TTC6: variants seen among roughly 807,000 people sequenced by gnomAD.
TTC6 encodes tetratricopeptide repeat protein 6.
A neutral mutation model predicts 210.4 loss-of-function variants in TTC6; 172 were observed. The ratio of observed to expected loss-of-function variants is 0.82; its 90% CI spans 0.72 to 0.93. TTC6 has a LOEUF of 0.93. TTC6 is among the 40% of genes least tolerant of loss of function. The pLI is 0.00. For synonymous variants in TTC6, 804 were observed against 819.6 expected, an observed-to-expected ratio of 0.98 and a Z score of 0.32; for missense variants, 2,414 against 2,318.1, an observed-to-expected ratio of 1.04 and a Z score of -0.85.
intron 14 of TTC6, among the ~76,000 whole-genome samples, chr14:37,772,116 G>T (rs536920033): frequency 5.9e-5 from 9 of 152,298 alleles, no homozygotes; most frequent in Admixed American, 5.2e-4. Context: ...TAGGCTGCTC[G>T]GGGATCAGGG....
chr14:37,671,142 G>T (rs1281707797), intron 1 of TTC6, among the ~76,000 whole-genome samples: 2 of 152,084 alleles, frequency 1.3e-5, no homozygotes, highest in African/African-American at 4.8e-5. Flanking sequence ...ACTTGATTGA[G>T]ACTGAGGGAT....
intron 29 of TTC6, among the ~76,000 whole-genome samples, chr14:37,829,510 C>G (rs973449039): frequency 1.3e-5 from 2 of 151,936 alleles, no homozygotes; most frequent in Non-Finnish European, 2.9e-5. Flanking sequence ...TAAACTCCTC[C>G]TCTCTCTCAT....
At chr14:37,605,469 GTGAGT>G (rs890156675) in intron 1 of TTC6, among the ~76,000 whole-genome samples, 24 of 31,118 alleles carry the variant, frequency 7.7e-4, no homozygotes, top group African/African-American at 1.7e-3. Flanking sequence ...TGGTATGTGG[GTGAGT>G]GAGTATGGGG....
At chr14:37,776,354 T>C (rs8012810) in intron 14 of TTC6, among the ~76,000 whole-genome samples, 24,909 of 152,134 alleles carry the variant, frequency 0.16, 2,201 homozygotes, top group East Asian at 0.34. Flanking sequence ...GATCCTGTTA[T>C]AATGTTGCCA....
intron 14 of TTC6, among the ~76,000 whole-genome samples, chr14:37,759,600 A>G (rs1292836918): frequency 2.0e-5 from 3 of 152,174 alleles, no homozygotes; most frequent in Admixed American, 6.5e-5. Context: ...GTGTTTTCCA[A>G]CTTGGTTCCA....
intron 1 of TTC6, among the ~76,000 whole-genome samples, chr14:37,676,659 A>G (rs184054440): frequency 6.6e-6 from 1 of 152,200 alleles, no homozygotes; most frequent in Admixed American, 6.6e-5. Flanking sequence ...ATGAAGATGT[A>G]TTCATATGTT....
intron 26 of TTC6, among the ~76,000 whole-genome samples, chr14:37,821,963 T>G (rs2096158569): frequency 6.6e-6 from 1 of 151,748 alleles, no homozygotes; most frequent in South Asian, 2.1e-4. Flanking sequence ...GTATTTTCAG[T>G]AGAGACGGGG....
chr14:37,789,436 C>G (rs1392102741), intron 15 of TTC6, among the ~76,000 whole-genome samples: 1 of 151,672 alleles, frequency 6.6e-6, no homozygotes, highest in Non-Finnish European at 1.5e-5. Context: ...AGATTTTCTT[C>G]AAGTGATAAC....
At chr14:37,744,178 CCATT>C (rs1479523390) in intron 10 of TTC6, among the ~76,000 whole-genome samples, 1 of 152,106 alleles carries the variant, frequency 6.6e-6, no homozygotes, top group Non-Finnish European at 1.5e-5. Flanking sequence ...ATGAGTTCAG[CCATT>C]CATTTCTGCA....
At chr14:37,602,960 C>T (rs993955581) in intron 1 of TTC6, among the ~76,000 whole-genome samples, 2 of 152,262 alleles carry the variant, frequency 1.3e-5, no homozygotes, top group Non-Finnish European at 2.9e-5. Flanking sequence ...CCTCATGAAC[C>T]TCTCCCTACA....
chr14:37,642,855 A>C (rs1566859216), intron 1 of TTC6, among the ~76,000 whole-genome samples: 1 of 152,234 alleles, frequency 6.6e-6, no homozygotes, highest in Non-Finnish European at 1.5e-5. Context: ...CATAATAGAA[A>C]GTATTTGTGT....
intron 1 of TTC6, among the ~76,000 whole-genome samples, chr14:37,655,125 G>A (rs1717528064): frequency 6.6e-6 from 1 of 152,144 alleles, no homozygotes; most frequent in Non-Finnish European, 1.5e-5. Context: ...CTACTTGCTT[G>A]TCCAGTGTAG....
At chr14:37,599,070 G>A (rs1004834966) in intron 1 of TTC6, among the ~76,000 whole-genome samples, 3 of 152,152 alleles carry the variant, frequency 2.0e-5, no homozygotes, top group African/African-American at 7.2e-5. Context: ...AAGTGAGGAA[G>A]GCCTGGGACG....
At chr14:37,605,067 GC>G (rs1390175896) in intron 1 of TTC6, among the ~76,000 whole-genome samples, 2 of 152,202 alleles carry the variant, frequency 1.3e-5, no homozygotes, top group African/African-American at 4.8e-5. Context: ...CCTTGCATGT[GC>G]AAGAAAGCTT....
intron 5 of TTC6, among the ~76,000 whole-genome samples, chr14:37,704,111 G>A (rs2095830769): frequency 6.6e-6 from 1 of 152,104 alleles, no homozygotes; most frequent in African/African-American, 2.4e-5. Context: ...AATAGAGACA[G>A]GGTCTTGCTC....
At chr14:37,792,665 T>TA (rs1298501741) in intron 17 of TTC6, among the ~76,000 whole-genome samples, 1 of 152,004 alleles carries the variant, frequency 6.6e-6, no homozygotes, top group Non-Finnish European at 1.5e-5. Context: ...AAGCATTATA[T>TA]ACTTATTGCA....
intron 14 of TTC6, among the ~76,000 whole-genome samples, chr14:37,786,625 C>T (rs2096068334): frequency 6.6e-6 from 1 of 152,176 alleles, no homozygotes; most frequent in African/African-American, 2.4e-5. Flanking sequence ...TGGGCTGCAC[C>T]CACTGTCCTG....
intron 14 of TTC6, among the ~76,000 whole-genome samples, chr14:37,785,241 C>T (rs1595260757): frequency 6.6e-6 from 1 of 152,156 alleles, no homozygotes; most frequent in African/African-American, 2.4e-5. Context: ...TCATTCTCCC[C>T]ATCACTTTCA....
intron 1 of TTC6, among the ~76,000 whole-genome samples, chr14:37,677,401 C>T (rs1249117217): frequency 6.6e-6 from 1 of 152,050 alleles, no homozygotes; most frequent in African/African-American, 2.4e-5. Flanking sequence ...CTGTACCCTA[C>T]AACTTTAGTG....
Sources: allele counts gnomAD v4.1 joint callset (sites outside exome capture counted in the v4.1 genomes callset), GRCh38; gene constraint gnomAD v4.1.1; transcripts MANE v1.5; gene names NCBI Gene and HGNC (gene_info 2026-07-23, HGNC 2026-07-21).